The following PRR16 variants were observed in gnomAD, a reference collection of about 807,000 sequenced individuals.
PRR16 encodes the protein proline rich 16, also known as protein Largen.
PRR16 carries 6 observed loss-of-function variants against 18.2 expected under a neutral mutation model. That is an observed-to-expected ratio of 0.33 (90% CI 0.18 to 0.65). The LOEUF (loss-of-function observed/expected upper bound fraction) is 0.65. Among genes scored for constraint, PRR16 ranks in the 30% least tolerant of loss-of-function variants. The probability of loss-of-function intolerance (pLI) is 0.74; values close to 1 mark genes in which losing one functional copy is unlikely to be tolerated. For synonymous variants in PRR16, 151 were observed against 147.8 expected, an observed-to-expected ratio of 1.02 and a Z score of -0.16; for missense variants, 412 against 376.6, an observed-to-expected ratio of 1.09 and a Z score of -0.78.
chr5:120,497,842 C>T (rs867503150), intron 1 of PRR16, among the ~76,000 whole-genome samples: 1 of 150,812 alleles, frequency 6.6e-6, no homozygotes, highest in South Asian at 2.1e-4. Context: ...TGAAATTTAC[C>T]TGCTCTAATA....
the PRR16 span, among the ~76,000 whole-genome samples, chr5:120,704,076 A>C: frequency 6.6e-6 from 1 of 152,236 alleles, no homozygotes; most frequent in South Asian, 2.1e-4. Context: ...TCAAACACAG[A>C]AGTTAACATA....
At chr5:120,493,762 G>A (rs1750147702) in intron 1 of PRR16, among the ~76,000 whole-genome samples, 2 of 152,142 alleles carry the variant, frequency 1.3e-5, no homozygotes. Context: ...TTTCAAGATT[G>A]CTATATAAGC....
chr5:120,663,313 T>C (rs1375466), intron 1 of PRR16, among the ~76,000 whole-genome samples: 64,149 of 151,854 alleles, frequency 0.42, 14,480 homozygotes, highest in East Asian at 0.86. Context: ...TGTGATTTTA[T>C]TGGTTACTGA....
chr5:120,635,089 A>G (rs1270855276), intron 1 of PRR16, among the ~76,000 whole-genome samples: 2 of 152,148 alleles, frequency 1.3e-5, no homozygotes, highest in African/African-American at 4.8e-5. Flanking sequence ...CTCAGAACAG[A>G]CCAATAACAA....
At chr5:120,694,017 A>AT in the PRR16 span, among the ~76,000 whole-genome samples, 2 of 152,180 alleles carry the variant, frequency 1.3e-5, no homozygotes, top group African/African-American at 2.4e-5. Context: ...TTTCCTAACA[A>AT]TTTCGCCTGT....
rs144227299 is a variant in PRR16 at position 120,501,740 on chromosome 5, A to G, written c.159+37095A>G. On this transcript the variant is annotated intron_variant, in intron 1 of 1. Coordinates refer to ENST00000407149, the MANE Select transcript of PRR16 (RefSeq NM_001300783.2). Reference sequence around the variant, plus strand: ...GGGAGGCTGAGGCGGGCAGATCACAAGGTCAGGAGACTGAGACCATCCTGG... The same window carrying G: ...GGGAGGCTGAGGCGGGCAGATCACAGGGTCAGGAGACTGAGACCATCCTGG... 2.7e-3 allele frequency among the ~76,000 whole-genome samples: 418 copies of G among 152,072 alleles called. 3 individuals are homozygous for G. Among genetic ancestry groups the G allele is most frequent in the African/African-American group, 9.4e-3 (392 of 41,500 alleles).
chr5:120,685,743 A>T (rs182026272), intron 1 of PRR16, among the ~76,000 whole-genome samples: 24 of 152,276 alleles, frequency 1.6e-4, no homozygotes, highest in Admixed American at 2.0e-4. Context: ...TGTTCTAAGC[A>T]TGTTAAATTA....
At chr5:120,678,556 T>C (rs1756878256) in intron 1 of PRR16, among the ~76,000 whole-genome samples, 1 of 152,134 alleles carries the variant, frequency 6.6e-6, no homozygotes, top group African/African-American at 2.4e-5. Flanking sequence ...AAATAGACAG[T>C]CCCAATACAT....
chr5:120,512,200 A>G (rs1356903949), intron 1 of PRR16, among the ~76,000 whole-genome samples: 2 of 152,226 alleles, frequency 1.3e-5, no homozygotes, highest in Admixed American at 1.3e-4. Context: ...ATACAGAGAT[A>G]GCATTCAAGA....
chr5:120,464,539 C>A lies in PRR16; in HGVS notation c.53C>A (p.Pro18Gln), dbSNP rs968856092. 2.5e-6 allele frequency: 4 copies of A among 1,591,490 alleles called. No individual in the cohort carries two copies. The highest frequency in any genetic ancestry group is 2.7e-5 in the African/African-American group (2 of 74,838). Reference protein sequence around the residue: ...NPSSSCPAEGPPAASKTKVKE... With the variant: ...NPSSSCPAEGQPAASKTKVKE... ...TCCTCGTCCTGTCCAGCCGAGGGAC[C>A]GCCGGCAGCCTCCAAAACCAAGGTG... Residue 18 changes from proline (P) to glutamine (Q), a missense_variant, in exon 1 of 2, where the codon CCG becomes CAG. Pro to Gln is a moderately conservative substitution (Grantham distance 76). Transcript: ENST00000407149.
chr5:120,533,335 G>C (rs1428664004), intron 1 of PRR16, among the ~76,000 whole-genome samples: 1 of 152,146 alleles, frequency 6.6e-6, no homozygotes, highest in Non-Finnish European at 1.5e-5. Flanking sequence ...AGCAGACAAC[G>C]ATTCTAGCTC....
At chr5:120,585,905 A>T (rs1197427543) in intron 1 of PRR16, among the ~76,000 whole-genome samples, 1 of 151,688 alleles carries the variant, frequency 6.6e-6, no homozygotes, top group African/African-American at 2.4e-5. Flanking sequence ...GCCGGGTGCG[A>T]TGGCTCATGC....
In PRR16 at chr5:120,530,269, ATATATATATATATATTTATT is replaced by A. The variant is rs1319305596; in HGVS notation, c.159+65628_159+65647del. Among the ~76,000 whole-genome samples, 3 of 123,200 alleles carry A rather than the reference ATATATATATATATATTTATT, an allele frequency of 2.4e-5. 1 individual carries two copies. Among genetic ancestry groups the A allele is most frequent in the African/African-American group, 7.0e-5 (2 of 28,394 alleles). The allele number at this position is 123,200 out of a possible 152,430, so 80.8% of individuals were successfully genotyped here. On this transcript the variant is annotated intron_variant, in intron 1 of 1. Coordinates refer to ENST00000407149, the MANE Select transcript of PRR16 (RefSeq NM_001300783.2). ...AGTGTGTGTAAATATATATATATAT[ATATATATATATATATTTATT>A]TATTTATTTATTTATTTATTTATAT...
At chr5:120,776,514 T>G in the PRR16 span, among the ~76,000 whole-genome samples, 1 of 151,940 alleles carries the variant, frequency 6.6e-6, no homozygotes, top group East Asian at 1.9e-4. Flanking sequence ...CTCTAAACAT[T>G]AGAGCTTGGA....
chr5:120,466,291 T>C (rs569816391), intron 1 of PRR16, among the ~76,000 whole-genome samples: 1 of 152,342 alleles, frequency 6.6e-6, no homozygotes, highest in South Asian at 2.1e-4. Context: ...ATCTGAAACA[T>C]GGCGTTTTAA....
chr5:120,531,271 G>A (rs973931597), intron 1 of PRR16, among the ~76,000 whole-genome samples: 2 of 152,066 alleles, frequency 1.3e-5, no homozygotes, highest in African/African-American at 4.8e-5. Flanking sequence ...TTCCTTTTTA[G>A]TGGTGGTAGT....
chr5:120,572,007 A>G (rs1354334432), intron 1 of PRR16, among the ~76,000 whole-genome samples: 1 of 152,164 alleles, frequency 6.6e-6, no homozygotes, highest in Non-Finnish European at 1.5e-5. Context: ...CATGGTATCC[A>G]AACTGTTTGC....
chr5:120,540,046 T>G (rs1751860525), intron 1 of PRR16, among the ~76,000 whole-genome samples: 1 of 152,206 alleles, frequency 6.6e-6, no homozygotes, highest in Non-Finnish European at 1.5e-5. Context: ...CGTTTTGAGT[T>G]TATTTTGAAA....
At chr5:120,728,096 T>A in the PRR16 span, among the ~76,000 whole-genome samples, 1 of 151,954 alleles carries the variant, frequency 6.6e-6, no homozygotes, top group African/African-American at 2.4e-5. Flanking sequence ...TTTGATTAAA[T>A]TATACATAAA....
Sources: allele counts gnomAD v4.1 joint callset (sites outside exome capture counted in the v4.1 genomes callset), GRCh38; gene constraint gnomAD v4.1.1; transcripts MANE v1.5; gene names NCBI Gene and HGNC (gene_info 2026-07-23, HGNC 2026-07-21).